PIGM: variants seen among roughly 807,000 people sequenced by gnomAD.
The protein encoded by PIGM is GPI alpha-1,4-mannosyltransferase I, catalytic subunit.
PIGM carries 7 observed loss-of-function variants against 14.6 expected under a neutral mutation model. The ratio of observed to expected loss-of-function variants is 0.48; its 90% CI spans 0.27 to 0.90. The LOEUF (loss-of-function observed/expected upper bound fraction) is 0.90. PIGM is among the 40% of genes least tolerant of loss of function. The pLI is 0.12. For synonymous variants in PIGM, 216 were observed against 215.9 expected, an observed-to-expected ratio of 1.00 and a Z score of 0.00; for missense variants, 506 against 516.2, an observed-to-expected ratio of 0.98 and a Z score of 0.19.
Position 160,030,413 on chromosome 1 carries a change from G to C in PIGM, c.*55C>G. ...AAAAAATGTCCCAAAGCTCTCTTCT[G>C]GTCCATACAAGACAATCAGAATGTA... On this transcript the variant is annotated 3_prime_UTR_variant, in exon 1 of 1. Transcript: ENST00000368090. 6.5e-7 allele frequency: 1 copy of C among 1,527,016 alleles called. No individual in the cohort carries two copies. The highest frequency in any genetic ancestry group is 9.1e-7 in the Non-Finnish European group (1 of 1,102,078). The allele number at this position is 1,527,016 out of a possible 1,614,324, so 94.6% of individuals were successfully genotyped here.
rs930270839 is a variant in PIGM at position 160,029,003 on chromosome 1, T to G, written c.*1465A>C. 6.6e-6 allele frequency: 1 copy of G among 152,194 alleles called. No homozygotes were observed. The highest frequency in any genetic ancestry group is 1.5e-5 in the Non-Finnish European group (1 of 68,032). The allele number at this position is 152,194 out of a possible 1,614,324, so 9.4% of individuals were successfully genotyped here. On this transcript the variant is annotated 3_prime_UTR_variant, in exon 1 of 1. Transcript: ENST00000368090. ...CAGGTCTGCATTTCTATCATGGAATTTTTGATTTTTTTTTTTAAGCTAGGA... is the reference window on the plus strand; with the variant it reads ...CAGGTCTGCATTTCTATCATGGAATGTTTGATTTTTTTTTTTAAGCTAGGA...
In PIGM at chr1:160,031,136, T is replaced by C. The variant is rs201119061; in HGVS notation, c.604A>G (p.Lys202Glu). The change falls in exon 1 of 1, where the codon AAA (lysine) becomes GAA (glutamate). Residue 202 changes from lysine to glutamate, a missense_variant. Transcript: ENST00000368090. ...LHLLPDRDND[K>E]SLRQFRYTFQ... ...GTGTACCGGAATTGACGGAGGCTTT[T>C]GTCATTGTCGCGATCTGGAAGCAGG... The C allele has an allele frequency of 1.2e-6, 2 of 1,613,982 alleles. No homozygotes were observed. Among genetic ancestry groups the C allele is most frequent in the African/African-American group, 1.3e-5 (1 of 75,002 alleles).
chr1:160,031,932 G>A lies in PIGM; in HGVS notation c.-193C>T, dbSNP rs1008082104. 3.5e-5 allele frequency: 27 copies of A among 765,326 alleles called. No individual in the cohort carries two copies. Among genetic ancestry groups the A allele is most frequent in the East Asian group, 1.1e-4 (4 of 36,942 alleles). 47.4% of individuals were successfully genotyped at this position (765,326 alleles called of 1,614,324 possible). A position where few individuals can be genotyped will look rare whatever the true frequency, so the allele number is the denominator to read the frequency against. On this transcript the variant is annotated 5_prime_UTR_variant, in exon 1 of 1. Coordinates refer to ENST00000368090, the MANE Select transcript of PIGM (RefSeq NM_145167.3). ...TGCTACCTGTCTCCAGCCCCGCGCG[G>A]TCTTCTCAGCCGCCCGAGCCAAAAA...
rs1015962408 is a variant in PIGM, at chr1:160,028,073, G to A, written c.*2395C>T. On this transcript the variant is annotated 3_prime_UTR_variant, in exon 1 of 1. Transcript: ENST00000368090. ...GGAAGCAATCTAAAGGTCTAACAGT[G>A]GAAGAATGATGTATTTATAATGTGA... 1 of 152,096 alleles carries A rather than the reference G, an allele frequency of 6.6e-6. No homozygotes were observed. The highest frequency in any genetic ancestry group is 1.5e-5 in the Non-Finnish European group (1 of 68,014). The allele number at this position is 152,096 out of a possible 1,614,324, so 9.4% of individuals were successfully genotyped here.
rs1162586484 is a variant in PIGM at position 160,030,718 on chromosome 1, C to T, written c.1022G>A (p.Cys341Tyr). The T allele has an allele frequency of 1.9e-6, 3 of 1,614,074 alleles. No homozygotes were observed. The highest frequency in any genetic ancestry group is 2.5e-6 in the Non-Finnish European group (3 of 1,179,974). ...CTSQYFLWYLCLLPLVMPLVR... is the reference protein window; with the variant it reads ...CTSQYFLWYLYLLPLVMPLVR... The stretch of plus-strand genomic sequence containing the variant: ...TAGTGGCATCACAAGAGGCAGTAAG[C>T]AGAGGTACCAAAGAAAGTACTGGGA... Residue 341 changes from cysteine to tyrosine, a missense_variant, in exon 1 of 1, where the codon TGC becomes TAC. Cys to Tyr is a radical substitution (Grantham distance 194). Coordinates refer to ENST00000368090, the MANE Select transcript of PIGM (RefSeq NM_145167.3).
rs1648154678 is a variant in PIGM, at chr1:160,025,081, TG to T, written c.*5386del. 1 of 152,210 alleles carries T rather than the reference TG, an allele frequency of 6.6e-6. No homozygotes were observed. The allele number at this position is 152,210 out of a possible 1,614,324, so 9.4% of individuals were successfully genotyped here. On this transcript the variant is annotated 3_prime_UTR_variant, in exon 1 of 1. Coordinates refer to ENST00000368090, the MANE Select transcript of PIGM (RefSeq NM_145167.3). ...TTTCCTTGCCTATATCCATTAGATT[TG>T]GGGAAAAAAGGTTCAAGTTTACAGT...
rs567785149 is a variant in PIGM, at chr1:160,025,441, T to G, written c.*5027A>C. 1.2e-4 allele frequency: 19 copies of G among 152,384 alleles called. 1 individual carries two copies. The South Asian group carries it at 3.7e-3, about 30-fold the overall frequency. 9.4% of individuals were successfully genotyped at this position (152,384 alleles called of 1,614,324 possible). The stretch of plus-strand genomic sequence containing the variant: ...TTATGGCCACATACTTTGTGTAGCT[T>G]GATTTACAAATAGCTTGGCTAAAAA... On this transcript the variant is annotated 3_prime_UTR_variant, in exon 1 of 1. Coordinates refer to ENST00000368090, the MANE Select transcript of PIGM (RefSeq NM_145167.3).
rs1314912954 is a variant in PIGM, at chr1:160,029,281, T to C, written c.*1187A>G. The C allele has an allele frequency of 6.6e-6, 1 of 152,006 alleles. No homozygotes were observed. The highest frequency in any genetic ancestry group is 2.4e-5 in the African/African-American group (1 of 41,382). 9.4% of individuals were successfully genotyped at this position (152,006 alleles called of 1,614,324 possible). ...TAAACATGAATGAATTTAAATTTAA[T>C]CCTTTTTGTATGAAACCAAATAGCA... On this transcript the variant is annotated 3_prime_UTR_variant, in exon 1 of 1. Coordinates refer to ENST00000368090, the MANE Select transcript of PIGM (RefSeq NM_145167.3).
At position 160,031,903 on chromosome 1, in the gene PIGM, G is replaced by A. The variant is rs1363954287; in HGVS notation, c.-164C>T. ...ACATCCGGCATGAAGCCCCGCCCCC[G>A]TACTGCTACCTGTCTCCAGCCCCGC... On this transcript the variant is annotated 5_prime_UTR_variant, in exon 1 of 1. The change creates a new upstream start codon in the 5' untranslated region. Coordinates refer to ENST00000368090, the MANE Select transcript of PIGM (RefSeq NM_145167.3). 13 of 897,000 alleles carry A rather than the reference G, an allele frequency of 1.4e-5. No homozygotes were observed. In the African/African-American group the frequency reaches 2.0e-4, roughly 14 times the overall value. 55.6% of individuals were successfully genotyped at this position (897,000 alleles called of 1,614,324 possible). A position where few individuals can be genotyped will look rare whatever the true frequency, so the allele number is the denominator to read the frequency against.
rs772920602 is a variant in PIGM, at chr1:160,031,688, G to C, written c.52C>G (p.Pro18Ala). The C allele has an allele frequency of 2.5e-6, 4 of 1,614,178 alleles. No individual in the cohort carries two copies. The highest frequency in any genetic ancestry group is 3.4e-6 in the Non-Finnish European group (4 of 1,180,032). ...AAGGCCACACCAAAGACGCCGGCTG[G>C]AGCCACCTTCAAGTTCAGGAGCCAT... ...GEWLLNLKVA[P>A]AGVFGVAFLA... The change falls in exon 1 of 1, where the codon CCA (proline) becomes GCA (alanine). Residue 18 changes from proline to alanine, a missense_variant. Pro to Ala is a conservative substitution (Grantham distance 27). Transcript: ENST00000368090.
Position 160,030,898 on chromosome 1 carries a change from G to A in PIGM, c.842C>T (p.Thr281Ile). 3.1e-6 allele frequency: 5 copies of A among 1,614,240 alleles called. No homozygotes were observed. Among genetic ancestry groups the A allele is most frequent in the Non-Finnish European group, 4.2e-6 (5 of 1,180,036 alleles). The change falls in exon 1 of 1, where the codon ACT becomes ATT. Residue 281 changes from threonine to isoleucine, a missense_variant. By Grantham distance (89) the Thr-to-Ile change is moderately conservative. Transcript: ENST00000368090. Reference protein sequence around the residue: ...FSPYFYMLYLTAESKWSFSLG... With the variant: ...FSPYFYMLYLIAESKWSFSLG... Reference sequence around the variant, plus strand: ...GGAAAAACTCCACTTGCTCTCTGCAGTCAAATACAGCATGTAGAAGTACGG... The same window carrying A: ...GGAAAAACTCCACTTGCTCTCTGCAATCAAATACAGCATGTAGAAGTACGG...
rs2101917196 is a variant in PIGM, at chr1:160,025,677, G to C, written c.*4791C>G. On this transcript the variant is annotated 3_prime_UTR_variant, in exon 1 of 1. Transcript: ENST00000368090. The stretch of plus-strand genomic sequence containing the variant: ...CCCTCAAAAGATTAGAAGGACAATT[G>C]ATTGGCAAGAGACACTTGACAGAGC... 6.6e-6 allele frequency: 1 copy of C among 152,320 alleles called. No homozygotes were observed. The highest frequency in any genetic ancestry group is 2.1e-4 in the South Asian group (1 of 4,824). The allele number at this position is 152,320 out of a possible 1,614,324, so 9.4% of individuals were successfully genotyped here. A position where few individuals can be genotyped will look rare whatever the true frequency, so the allele number is the denominator to read the frequency against.
chr1:160,025,892 GA>G lies in PIGM; in HGVS notation c.*4575del, dbSNP rs1648172034. 1 of 152,126 alleles carries G rather than the reference GA, an allele frequency of 6.6e-6. No individual in the cohort carries two copies. The highest frequency in any genetic ancestry group is 6.5e-5 in the Admixed American group (1 of 15,278). The allele number at this position is 152,126 out of a possible 1,614,324, so 9.4% of individuals were successfully genotyped here. On this transcript the variant is annotated 3_prime_UTR_variant, in exon 1 of 1. Coordinates refer to ENST00000368090, the MANE Select transcript of PIGM (RefSeq NM_145167.3). The stretch of plus-strand genomic sequence containing the variant: ...AATATCAACTTTGAAGTGTTGCTGT[GA>G]AAATTAAATAAAACCATATATGGCG...
At position 160,031,122 on chromosome 1, in the gene PIGM, T is replaced by C; in HGVS notation, c.618A>G (p.Gln206=). Residue 206 remains glutamine, a synonymous_variant, in exon 1 of 1, where the codon CAA becomes CAG. Transcript: ENST00000368090. ...PDRDNDKSLR[Q]FRYTFQACLY... is the part of the protein sequence containing the mutation. ...AACAAGCCTGGAAAGTGTACCGGAA[T>C]TGACGGAGGCTTTTGTCATTGTCGC... 5 of 1,613,954 alleles carry C rather than the reference T, an allele frequency of 3.1e-6. No individual in the cohort carries two copies. Among genetic ancestry groups the C allele is most frequent in the Non-Finnish European group, 3.4e-6 (4 of 1,179,880 alleles).
rs1648189239 is a variant in PIGM, at chr1:160,026,554, G to C, written c.*3914C>G. On this transcript the variant is annotated 3_prime_UTR_variant, in exon 1 of 1. Coordinates refer to ENST00000368090, the MANE Select transcript of PIGM (RefSeq NM_145167.3). Reference sequence around the variant, plus strand: ...ATATGAGTAGTGTTTAAAATAGTTAGGTCAGGCGGGGTGCAGTGGCTCACG... The same window carrying C: ...ATATGAGTAGTGTTTAAAATAGTTACGTCAGGCGGGGTGCAGTGGCTCACG... 6.6e-6 allele frequency: 1 copy of C among 152,184 alleles called. No homozygotes were observed. The highest frequency in any genetic ancestry group is 2.1e-4 in the South Asian group (1 of 4,834). The allele number at this position is 152,184 out of a possible 1,614,324, so 9.4% of individuals were successfully genotyped here.
chr1:160,031,745 G>T lies in PIGM; in HGVS notation c.-6C>A. The T allele has an allele frequency of 6.2e-7, 1 of 1,614,020 alleles. No individual in the cohort carries two copies. Among genetic ancestry groups the T allele is most frequent in the Non-Finnish European group, 8.5e-7 (1 of 1,180,008 alleles). ...CAGTGCTTGGTGGAGCCCATGATCT[G>T]ACCGTGCGACAGCTGCTTAGCCCCA... On this transcript the variant is annotated 5_prime_UTR_variant, in exon 1 of 1. Coordinates refer to ENST00000368090, the MANE Select transcript of PIGM (RefSeq NM_145167.3).
rs1648172274 is a variant in PIGM at position 160,025,904 on chromosome 1, A to C, written c.*4564T>G. ...GAAGTGTTGCTGTGAAAATTAAATA[A>C]AACCATATATGGCGGAATAGGTGCC... is the stretch of plus-strand genomic sequence containing the variant. On this transcript the variant is annotated 3_prime_UTR_variant, in exon 1 of 1. Coordinates refer to ENST00000368090, the MANE Select transcript of PIGM (RefSeq NM_145167.3). The C allele has an allele frequency of 1.3e-5, 2 of 152,232 alleles. 1 individual carries two copies. Among genetic ancestry groups the C allele is most frequent in the South Asian group, 4.1e-4 (2 of 4,836 alleles). The allele number at this position is 152,232 out of a possible 1,614,324, so 9.4% of individuals were successfully genotyped here.
Position 160,031,118 on chromosome 1 carries a change from G to A in PIGM, c.622C>T (p.Arg208Trp). ...RDNDKSLRQF[R>W]YTFQACLYEL... ...TACAAACAAGCCTGGAAAGTGTACC[G>A]GAATTGACGGAGGCTTTTGTCATTG... Residue 208 changes from arginine to tryptophan, a missense_variant, in exon 1 of 1, where the codon CGG (arginine) becomes TGG (tryptophan). Physicochemically the swap from Arg to Trp is moderately radical, Grantham distance 101. Transcript: ENST00000368090. 1.9e-6 allele frequency: 3 copies of A among 1,613,948 alleles called. No individual in the cohort carries two copies. In the South Asian group the frequency reaches 3.3e-5, roughly 18 times the overall value.
rs777947335 is a variant in PIGM, at chr1:160,031,185, A to T, written c.555T>A (p.Thr185=). 5 of 1,614,158 alleles carry T rather than the reference A, an allele frequency of 3.1e-6. No individual in the cohort carries two copies. The highest frequency in any genetic ancestry group is 3.3e-4 in the Middle Eastern group (2 of 6,062). The change falls in exon 1 of 1, where the codon ACT becomes ACA. Residue 185 remains threonine, a synonymous_variant. Coordinates refer to ENST00000368090, the MANE Select transcript of PIGM (RefSeq NM_145167.3). ...GGTGGAGGGTTATGGGAAGGATGTA[A>T]GTCACTGGATATATCTTCATATGCA... is the stretch of plus-strand genomic sequence containing the variant. ...FAVHMKIYPV[T]YILPITLHLL...
Sources: gnomAD v4.1 joint callset for allele counts on GRCh38, gnomAD v4.1.1 for gene constraint, MANE v1.5 for transcripts, NCBI Gene and HGNC (gene_info 2026-07-23, HGNC 2026-07-21) for gene names.